Variants in ZNF730 observed in about 807,000 individuals in gnomAD.
ZNF730 encodes the protein putative zinc finger protein 730.
ZNF730 carries 12 observed loss-of-function variants against 12.6 expected under a neutral mutation model. The ratio of observed to expected loss-of-function variants is 0.95; its 90% CI spans 0.61 to 1.54. The LOEUF is 1.54. Ranked by LOEUF, ZNF730 falls within the 40% of genes most tolerant of loss-of-function variation. ZNF730 has a pLI of 0.00. For missense variants in ZNF730, 643 were observed against 583.5 expected, an observed-to-expected ratio of 1.10 and a Z score of -1.05; for synonymous variants, 194 against 195.8, an observed-to-expected ratio of 0.99 and a Z score of 0.08.
At chr19:23,137,155 G>C (rs1468427765) in intron 3 of ZNF730, among the ~76,000 whole-genome samples, 2 of 152,160 alleles carry the variant, frequency 1.3e-5, no homozygotes, top group African/African-American at 2.4e-5. Context: ...GGGCAAGAGA[G>C]TGAGACTCTG....
chr19:23,094,473 G>A lies in ZNF730; in HGVS notation c.-94+19086G>A, dbSNP rs1335918300. Among the ~76,000 whole-genome samples, 9 of 146,114 alleles carry A rather than the reference G, an allele frequency of 6.2e-5. No individual in the cohort carries two copies. In the South Asian group the frequency reaches 1.7e-3, roughly 28 times the overall value. On this transcript the variant is annotated intron_variant, in intron 1 of 2. Coordinates refer to the ZNF730 transcript ENST00000593635. ...AGGTAGGTAGGTAGAAAATAAATAA[G>A]TTTTCATTTATTTATTTATTTATTT...
At chr19:23,131,944 T>C (rs938339552) in intron 1 of ZNF730, among the ~76,000 whole-genome samples, 3 of 152,218 alleles carry the variant, frequency 2.0e-5, no homozygotes, top group Admixed American at 6.5e-5. Context: ...AAGTCTCATC[T>C]TTGCACTAAA....
intron 1 of ZNF730, among the ~76,000 whole-genome samples, chr19:23,077,872 C>A (rs968707466): frequency 6.6e-6 from 1 of 152,156 alleles, no homozygotes; most frequent in Non-Finnish European, 1.5e-5. Flanking sequence ...TAACCCTACC[C>A]CCAACCCTGT....
chr19:23,109,992 G>A (rs907758768), intron 1 of ZNF730, among the ~76,000 whole-genome samples: 3 of 151,394 alleles, frequency 2.0e-5, no homozygotes, highest in African/African-American at 7.3e-5. Context: ...TTAAGACGGA[G>A]TTTCACTTTT....
At chr19:23,113,743 A>C (rs1391548439), upstream of ZNF730, among the ~76,000 whole-genome samples, 3 of 152,128 alleles carry the variant, frequency 2.0e-5, no homozygotes, top group Non-Finnish European at 4.4e-5. Context: ...AATAACCTGA[A>C]TTTCTTGATT....
At chr19:23,128,196 T>C in intron 1 of ZNF730, 1 of 787,996 alleles carries the variant, frequency 1.3e-6, no homozygotes, top group Non-Finnish European at 2.2e-6. Context: ...TCCCTCACAG[T>C]ACCAAACAGT....
chr19:23,081,154 TC>T (rs1969960199), intron 1 of ZNF730, among the ~76,000 whole-genome samples: 1 of 151,530 alleles, frequency 6.6e-6, no homozygotes, highest in Admixed American at 6.6e-5. Context: ...CCTCTTTTTT[TC>T]TTTTTTTTTT....
intron 1 of ZNF730, among the ~76,000 whole-genome samples, chr19:23,095,793 T>A (rs117784394): frequency 6.6e-6 from 1 of 152,312 alleles, no homozygotes; most frequent in East Asian, 1.9e-4. Flanking sequence ...TGACATACTT[T>A]GCACCCAGCA....
intron 1 of ZNF730, among the ~76,000 whole-genome samples, chr19:23,090,360 C>T (rs1409749781): frequency 1.3e-5 from 2 of 152,016 alleles, no homozygotes; most frequent in Non-Finnish European, 2.9e-5. Flanking sequence ...TTTTGCCCTG[C>T]CCTAGAGATT....
chr19:23,129,574 C>CT (rs1555715541), intron 1 of ZNF730, among the ~76,000 whole-genome samples: 1 of 131,102 alleles, frequency 7.6e-6, no homozygotes, highest in Non-Finnish European at 1.7e-5. Flanking sequence ...TGCTTGTATC[C>CT]CCCCCCCCAT....
At position 23,117,061 on chromosome 19, in the gene ZNF730, C is replaced by T. The variant is rs537130677; in HGVS notation, c.-113C>T. On this transcript the variant is annotated 5_prime_UTR_variant, in exon 1 of 4. Transcript: ENST00000597761. ...TCGCTGCCGCCGAAGCTCCAATTTT[C>T]GTCTGTCTGCTTTGTGTCCTCTGCA... 4 of 1,530,402 alleles carry T rather than the reference C, an allele frequency of 2.6e-6. No individual in the cohort carries two copies. The Admixed American group carries it at 6.0e-5, about 23-fold the overall frequency. 94.8% of individuals were successfully genotyped at this position (1,530,402 alleles called of 1,614,324 possible). A position where few individuals can be genotyped will look rare whatever the true frequency, so the allele number is the denominator to read the frequency against.
At chr19:23,114,256 A>G (rs1970488056), upstream of ZNF730, among the ~76,000 whole-genome samples, 1 of 151,760 alleles carries the variant, frequency 6.6e-6, no homozygotes, top group South Asian at 2.1e-4. Context: ...TTTGCCCAAT[A>G]AAACTCTGTT....
Position 23,085,707 on chromosome 19 carries a change from G to A in ZNF730, c.-94+10320G>A, listed in dbSNP as rs28802421. On this transcript the variant is annotated intron_variant, in intron 1 of 2. Transcript: ENST00000593635. ...TTTTTTGTATTTTTAGTAGAGATAG[G>A]GTTTCACCATGTTGACCAGGCTAGT... 2.6e-3 allele frequency among the ~76,000 whole-genome samples: 390 copies of A among 150,262 alleles called. 2 individuals are homozygous for A. The highest frequency in any genetic ancestry group is 9.2e-3 in the African/African-American group (379 of 40,976).
At chr19:23,117,000 AGGGC>A, upstream of ZNF730, 1 of 1,006,218 alleles carries the variant, frequency 9.9e-7, no homozygotes. Context: ...TGGAGCAGAC[AGGGC>A]GGCTTCCGGG....
intron 1 of ZNF730, among the ~76,000 whole-genome samples, chr19:23,109,981 T>G (rs1489219388): frequency 6.6e-6 from 1 of 152,188 alleles, no homozygotes; most frequent in Non-Finnish European, 1.5e-5. Context: ...CATTTTTTTT[T>G]TTAAGACGGA....
At chr19:23,135,854 C>T in intron 2 of ZNF730, 94 bp from the exon 3 acceptor site, 1 of 1,204,882 alleles carries the variant, frequency 8.3e-7, no homozygotes, top group Non-Finnish European at 1.2e-6. Flanking sequence ...GGTTAATTTA[C>T]TAGAATATTC....
At chr19:23,127,637 T>C in intron 1 of ZNF730, 1 of 1,106,726 alleles carries the variant, frequency 9.0e-7, no homozygotes, top group Non-Finnish European at 1.4e-6. Flanking sequence ...CAATAAACTC[T>C]TTGTGTGAAT....
chr19:23,146,205 G>C lies in ZNF730; in HGVS notation c.1161G>C (p.Lys387Asn). ...FNQSSTLTIH[K>N]IIHTVEKFYK... ...AATCCTCAACTCTTACTATACATAA[G>C]ATAATTCATACTGTAGAGAAATTTT... Residue 387 changes from lysine to asparagine, a missense_variant, in exon 4 of 4, where the codon AAG becomes AAC. Lys to Asn is a moderately conservative substitution (Grantham distance 94). Coordinates refer to ENST00000597761, the MANE Select transcript of ZNF730 (RefSeq NM_001277403.2). The C allele has an allele frequency of 2.5e-6, 4 of 1,609,898 alleles. No homozygotes were observed. The South Asian group carries it at 3.3e-5, about 13-fold the overall frequency.
In ZNF730 at chr19:23,145,474, A is replaced by T. The variant is rs753387196; in HGVS notation, c.430A>T (p.Ile144Leu). The T allele has an allele frequency of 6.4e-7, 1 of 1,569,784 alleles. No individual in the cohort carries two copies. Among genetic ancestry groups the T allele is most frequent in the South Asian group, 1.2e-5 (1 of 85,700 alleles). ...NQCLTTSHSK[I>L]FQCDKYVKVF... ...GTGTTTGACAACTTCCCATAGCAAA[A>T]TATTTCAGTGTGACAAATATGTGAA... The change falls in exon 4 of 4, where the codon ATA becomes TTA. Residue 144 changes from isoleucine (I) to leucine (L), a missense_variant. Ile to Leu is a conservative substitution (Grantham distance 5, BLOSUM62 2). Transcript: ENST00000597761.
Sources: allele counts gnomAD v4.1 joint callset (sites outside exome capture counted in the v4.1 genomes callset), GRCh38; gene constraint gnomAD v4.1.1; transcripts MANE v1.5; gene names NCBI Gene and HGNC (gene_info 2026-07-23, HGNC 2026-07-21).